Variants in PRKAA1 observed in about 807,000 individuals in gnomAD.
PRKAA1 encodes 5'-AMP-activated protein kinase catalytic subunit alpha-1.
Under a neutral mutation model 56.9 loss-of-function variants are expected in PRKAA1, and 23 were observed. That is an observed-to-expected ratio of 0.40 (90% CI 0.29 to 0.57). The LOEUF (loss-of-function observed/expected upper bound fraction) is 0.57, where lower values mean the gene tolerates loss of function less well. Among genes scored for constraint, PRKAA1 ranks in the 20% least tolerant of loss-of-function variants. PRKAA1 has a pLI of 0.39. For missense variants in PRKAA1, 413 were observed against 679.7 expected (o/e 0.61, Z 4.36); for synonymous variants, 226 against 227.0 (o/e 1.00, Z 0.04).
intron 1 of PRKAA1, among the ~76,000 whole-genome samples, chr5:40,795,282 A>T (rs941494767): frequency 6.6e-6 from 1 of 152,106 alleles, no homozygotes; most frequent in African/African-American, 2.4e-5. Flanking sequence ...TACAAATATG[A>T]TGCAATGTAT....
chr5:40,773,401 A>AT (rs1743842154), intron 3 of PRKAA1, among the ~76,000 whole-genome samples: 1 of 152,226 alleles, frequency 6.6e-6, no homozygotes, highest in Non-Finnish European at 1.5e-5. Context: ...AACAAGTACA[A>AT]TTACAAAGGA....
In PRKAA1 at chr5:40,791,623, A is replaced by G. The variant is rs7702698; in HGVS notation, c.127+6440T>C. On this transcript the variant is annotated intron_variant, in intron 1 of 8. Transcript: ENST00000397128. ...CTACTAAAGATATTCTAGACACCTA[A>G]CCATTTCATTCCCACTTTAAAATTG... Among the ~76,000 whole-genome samples the G allele has an allele frequency of 7.7e-3, 1,170 of 152,340 alleles. 10 individuals are homozygous for G. Among genetic ancestry groups the G allele is most frequent in the African/African-American group, 0.025 (1,055 of 41,570 alleles).
chr5:40,766,858 T>C (rs1174288653), intron 6 of PRKAA1, among the ~76,000 whole-genome samples: 1 of 150,908 alleles, frequency 6.6e-6, no homozygotes, highest in Non-Finnish European at 1.5e-5. Context: ...AGCAAAACAA[T>C]AACAACAAAA....
Position 40,798,096 on chromosome 5 carries a change from T to C in PRKAA1, c.94A>G (p.Thr32Ala). Residue 32 changes from threonine to alanine, a missense_variant, in exon 1 of 9, where the codon ACG becomes GCG. By Grantham distance (58) the Thr-to-Ala change is moderately conservative (BLOSUM62 0). Coordinates refer to ENST00000397128, the MANE Select transcript of PRKAA1 (RefSeq NM_006251.6). Reference sequence around the variant, plus strand: ...TTGCCGAAGGTGCCGACCCCCAGCGTGTCACCCAGAATGTAGTGGCCGATC... The same window carrying C: ...TTGCCGAAGGTGCCGACCCCCAGCGCGTCACCCAGAATGTAGTGGCCGATC... ...VKIGHYILGD[T>A]LGVGTFGKVK... 1 of 1,608,962 alleles carries C rather than the reference T, an allele frequency of 6.2e-7. No homozygotes were observed. Among genetic ancestry groups the C allele is most frequent in the Non-Finnish European group, 8.5e-7 (1 of 1,177,238 alleles).
chr5:40,796,430 A>G (rs1264648943), intron 1 of PRKAA1, among the ~76,000 whole-genome samples: 1 of 152,070 alleles, frequency 6.6e-6, no homozygotes, highest in Non-Finnish European at 1.5e-5. Context: ...CTGGGAAGGG[A>G]TGGGGGCAAA....
In PRKAA1 at chr5:40,760,025, A is replaced by G. The variant is rs781324065; in HGVS notation, c.*2753T>C. On this transcript the variant is annotated 3_prime_UTR_variant, in exon 9 of 9. Transcript: ENST00000397128. The stretch of plus-strand genomic sequence containing the variant: ...ACATTTCTGGCAAAAAACCTTATAC[A>G]TCTTTCAGTTGTCAAGACAAAGTAA... The G allele has an allele frequency of 1.4e-4, 21 of 152,894 alleles. No individual in the cohort carries two copies. The highest frequency in any genetic ancestry group is 2.5e-4 in the Non-Finnish European group (17 of 68,020). The allele number at this position is 152,894 out of a possible 1,614,324, so 9.5% of individuals were successfully genotyped here.
At chr5:40,791,582 GCAAAGATAGAAATATCTAC>G (rs1215713071) in intron 1 of PRKAA1, among the ~76,000 whole-genome samples, 2 of 152,150 alleles carry the variant, frequency 1.3e-5, no homozygotes, top group Non-Finnish European at 2.9e-5. Flanking sequence ...CAGAGAAGCA[GCAAAGATAGAAATATCTAC>G]TAAAGATATT....
intron 1 of PRKAA1, among the ~76,000 whole-genome samples, chr5:40,790,540 T>G (rs1041256611): frequency 6.6e-6 from 1 of 150,540 alleles, no homozygotes; most frequent in Non-Finnish European, 1.5e-5. Flanking sequence ...TTTTTTTTTT[T>G]GTTGTTGTTG....
intron 1 of PRKAA1, among the ~76,000 whole-genome samples, chr5:40,783,610 T>A (rs892160969): frequency 1.3e-5 from 2 of 152,038 alleles, no homozygotes; most frequent in African/African-American, 4.8e-5. Context: ...ACAAAAAAAA[T>A]TAACCAGGCG....
chr5:40,782,775 T>G (rs879745119), intron 1 of PRKAA1, among the ~76,000 whole-genome samples: 1 of 152,078 alleles, frequency 6.6e-6, no homozygotes, highest in Non-Finnish European at 1.5e-5. Context: ...AACTACGGAA[T>G]AGGGAATTGA....
At chr5:40,772,167 A>C (rs1457983813) in intron 3 of PRKAA1, among the ~76,000 whole-genome samples, 1 of 152,196 alleles carries the variant, frequency 6.6e-6, no homozygotes, top group East Asian at 1.9e-4. Context: ...ATCTACTTGA[A>C]ATTTGGCATA....
chr5:40,766,186 C>T (rs1395099224), intron 6 of PRKAA1, among the ~76,000 whole-genome samples: 1 of 152,098 alleles, frequency 6.6e-6, no homozygotes, highest in African/African-American at 2.4e-5. Flanking sequence ...CATGCCGTGC[C>T]ATTCATGGTC....
At chr5:40,769,282 T>G (rs1035920093) in intron 5 of PRKAA1, 134 bp downstream of exon 5, 1 of 697,440 alleles carries the variant, frequency 1.4e-6, no homozygotes, top group Non-Finnish European at 2.4e-6. Flanking sequence ...CTCATTCACA[T>G]ATAAATGTGG....
Position 40,760,985 on chromosome 5 carries a change from T to G in PRKAA1, c.*1793A>C, listed in dbSNP as rs1180204665. ...CAATTTTATCTGAGGTGACTACATC[T>G]TCATTTACATCTATTGTGTGATGCA... On this transcript the variant is annotated 3_prime_UTR_variant, in exon 9 of 9. Transcript: ENST00000397128. The G allele has an allele frequency of 6.6e-6, 1 of 152,254 alleles. No individual in the cohort carries two copies. The highest frequency in any genetic ancestry group is 2.4e-5 in the African/African-American group (1 of 41,438). The allele number at this position is 152,254 out of a possible 1,614,324, so 9.4% of individuals were successfully genotyped here. A position where few individuals can be genotyped will look rare whatever the true frequency, so the allele number is the denominator to read the frequency against.
intron 5 of PRKAA1, chr5:40,768,682 A>C: frequency 2.4e-6 from 3 of 1,262,190 alleles, no homozygotes; most frequent in Non-Finnish European, 3.0e-6. Context: ...CATTGAGTTA[A>C]TCAAGATGCA....
intron 3 of PRKAA1, among the ~76,000 whole-genome samples, chr5:40,774,556 T>C (rs1309063457): frequency 6.7e-6 from 1 of 149,368 alleles, no homozygotes; most frequent in African/African-American, 2.4e-5. Flanking sequence ...AGAATTTTTT[T>C]TTTTTTTTTT....
At chr5:40,778,566 C>A (rs2112046257) in intron 1 of PRKAA1, among the ~76,000 whole-genome samples, 1 of 151,948 alleles carries the variant, frequency 6.6e-6, no homozygotes, top group South Asian at 2.1e-4. Context: ...CTTTTAGTAT[C>A]ATTTATATGG....
chr5:40,788,835 A>C (rs1744602778), intron 1 of PRKAA1, among the ~76,000 whole-genome samples: 2 of 151,886 alleles, frequency 1.3e-5, no homozygotes, highest in Admixed American at 1.3e-4. Context: ...TCAAAAAAAC[A>C]AACAAACAAG....
rs112956664 is a variant in PRKAA1, at chr5:40,768,200, C to T, written c.597-510G>A. Among the ~76,000 whole-genome samples, 559 of 152,272 alleles carry T rather than the reference C, an allele frequency of 3.7e-3. 1 individual carries two copies. The highest frequency in any genetic ancestry group is 5.9e-3 in the Non-Finnish European group (401 of 68,012). Reference sequence around the variant, plus strand: ...TGTAGTCAAGTGCCTTAACTAGCTGCAGACTAGTTAGATCACCCATTCAAA... The same window carrying T: ...TGTAGTCAAGTGCCTTAACTAGCTGTAGACTAGTTAGATCACCCATTCAAA... On this transcript the variant is annotated intron_variant, in intron 5 of 8. Coordinates refer to ENST00000397128, the MANE Select transcript of PRKAA1 (RefSeq NM_006251.6).
Sources: gnomAD v4.1 joint callset for allele counts (sites outside exome capture counted in the v4.1 genomes callset) on GRCh38, gnomAD v4.1.1 for gene constraint, MANE v1.5 for transcripts, NCBI Gene and HGNC (gene_info 2026-07-23, HGNC 2026-07-21) for gene names.